Variants in CAP2 observed in about 807,000 individuals in gnomAD.
CAP2 encodes cyclase associated actin cytoskeleton regulatory protein 2, also known as adenylyl cyclase-associated protein 2.
A neutral mutation model predicts 57.7 loss-of-function variants in CAP2; 24 were observed. That is an observed-to-expected ratio of 0.42 (90% CI 0.30 to 0.58). The LOEUF is 0.58. CAP2 is among the 20% of genes least tolerant of loss of function. The pLI is 0.22. For missense variants in CAP2, 501 were observed against 590.3 expected (o/e 0.85, Z 1.57); for synonymous variants, 194 against 207.2 (o/e 0.94, Z 0.55).
chr6:17,408,783 C>G (rs1367428199), intron 1 of CAP2, among the ~76,000 whole-genome samples: 5 of 151,204 alleles, frequency 3.3e-5, no homozygotes, highest in Non-Finnish European at 7.4e-5. Context: ...GCCTCAGCCT[C>G]CCGAGTAGCT....
chr6:17,499,008 C>T (rs1209616049), intron 4 of CAP2, among the ~76,000 whole-genome samples: 3 of 151,740 alleles, frequency 2.0e-5, no homozygotes, highest in African/African-American at 7.3e-5. Flanking sequence ...TGATTACAGG[C>T]GTGAGCCACC....
At chr6:17,466,928 A>C (rs1080918) in intron 4 of CAP2, among the ~76,000 whole-genome samples, 1 of 152,184 alleles carries the variant, frequency 6.6e-6, no homozygotes. Flanking sequence ...AGTATCTAGT[A>C]GATGAGTTAC....
At chr6:17,539,226 G>A (rs758003801) in intron 7 of CAP2, 43 bp from the exon 8 acceptor site, 13 of 1,546,980 alleles carry the variant, frequency 8.4e-6, no homozygotes, top group African/African-American at 2.8e-5. Context: ...CAGCAAGGGC[G>A]CAGTCTCAAT....
chr6:17,496,028 G>GGCGGC lies in CAP2; in HGVS notation c.301-11140_301-11139insCGGCG, dbSNP rs71866539. 1.3e-3 allele frequency among the ~76,000 whole-genome samples: 25 copies of GGCGGC among 19,446 alleles called. 1 individual carries two copies. The highest frequency in any genetic ancestry group is 3.6e-3 in the South Asian group (1 of 278). 12.8% of individuals were successfully genotyped at this position (19,446 alleles called of 152,430 possible). Reference sequence around the variant, plus strand: ...AACTGCTGTGCATGCGTGTGTGGGTGGGGGGGGGGGGTAAGTCAGGGAAAA... The same window carrying GGCGGC: ...AACTGCTGTGCATGCGTGTGTGGGTGGCGGCGGGGGGGGGGGTAAGTCAGGGAAAA... On this transcript the variant is annotated intron_variant, in intron 4 of 12. Transcript: ENST00000229922.
intron 1 of CAP2, among the ~76,000 whole-genome samples, chr6:17,411,022 T>G (rs1347857232): frequency 6.7e-6 from 1 of 149,906 alleles, no homozygotes. Flanking sequence ...TTCCTGGATA[T>G]TTCTTATAAA....
chr6:17,470,435 G>C (rs556744140), intron 4 of CAP2, among the ~76,000 whole-genome samples: 5 of 152,278 alleles, frequency 3.3e-5, no homozygotes, highest in South Asian at 2.1e-4. Flanking sequence ...TTAGCAAAAA[G>C]TCCCCAAATC....
intron 1 of CAP2, among the ~76,000 whole-genome samples, chr6:17,414,053 CA>C (rs34468074): frequency 0.2 from 19,573 of 95,570 alleles, 4,007 homozygotes; most frequent in African/African-American, 0.53. Context: ...GACTCTGTCT[CA>C]AAAAAAAAAA....
chr6:17,540,741 G>A (rs773279509), intron 8 of CAP2, among the ~76,000 whole-genome samples: 7 of 152,092 alleles, frequency 4.6e-5, no homozygotes, highest in Non-Finnish European at 7.4e-5. Flanking sequence ...GTGACAGAGC[G>A]AGACTCCATT....
chr6:17,413,404 G>A lies in CAP2; in HGVS notation c.-1-8151G>A, dbSNP rs1364160110. On this transcript the variant is annotated intron_variant, in intron 1 of 12. Coordinates refer to ENST00000229922, the MANE Select transcript of CAP2 (RefSeq NM_006366.3). ...GAGTAAGCAAAAGATACGAAGGCGG[G>A]CACCTTGGCAACGTGAATGTATCTC... 2.0e-5 allele frequency among the ~76,000 whole-genome samples: 3 copies of A among 152,116 alleles called. No homozygotes were observed. The East Asian group carries it at 5.8e-4, about 29-fold the overall frequency.
intron 4 of CAP2, among the ~76,000 whole-genome samples, chr6:17,483,780 G>T (rs1761355468): frequency 6.6e-6 from 1 of 152,110 alleles, no homozygotes; most frequent in Non-Finnish European, 1.5e-5. Flanking sequence ...GGCTGACAGG[G>T]GTGTTTTCCC....
chr6:17,541,581 A>G (rs1267329601), intron 9 of CAP2, among the ~76,000 whole-genome samples: 1 of 152,000 alleles, frequency 6.6e-6, no homozygotes, highest in Non-Finnish European at 1.5e-5. Context: ...CTCTGTCTCA[A>G]AAAAAAAGAA....
rs1017342326 is a variant in CAP2 at position 17,513,214 on chromosome 6, C to G, written c.531-635C>G. Among the ~76,000 whole-genome samples the G allele has an allele frequency of 1.9e-4, 29 of 151,974 alleles. No individual in the cohort carries two copies. The highest frequency in any genetic ancestry group is 7.0e-4 in the African/African-American group (29 of 41,366). ...AATAGAGATAAAAATACTGGTGATG[C>G]CTTGCCTGGTTTGTATTGTCATTCA... On this transcript the variant is annotated intron_variant, in intron 6 of 12. Coordinates refer to ENST00000229922, the MANE Select transcript of CAP2 (RefSeq NM_006366.3). The surrounding 1 kb of genome is among the most constrained non-coding windows in gnomAD (Gnocchi z 4.3).
intron 6 of CAP2, among the ~76,000 whole-genome samples, chr6:17,509,801 A>G (rs1014383963): frequency 6.6e-6 from 1 of 152,160 alleles, no homozygotes; most frequent in African/African-American, 2.4e-5. Context: ...TAGCCAATAG[A>G]TGAGAACAAC....
chr6:17,471,232 G>T (rs1389372664), intron 4 of CAP2, among the ~76,000 whole-genome samples: 1 of 152,164 alleles, frequency 6.6e-6, no homozygotes, highest in Non-Finnish European at 1.5e-5. Flanking sequence ...TCATAGCATT[G>T]CTCAATCAGA....
chr6:17,482,240 G>A (rs1761306494), intron 4 of CAP2, among the ~76,000 whole-genome samples: 1 of 152,116 alleles, frequency 6.6e-6, no homozygotes, highest in South Asian at 2.1e-4. Context: ...AGAAGTCAAG[G>A]CGTAGGCTGG....
At chr6:17,510,171 T>C (rs1049091323) in intron 6 of CAP2, among the ~76,000 whole-genome samples, 8 of 152,076 alleles carry the variant, frequency 5.3e-5, no homozygotes, top group Non-Finnish European at 1.2e-4. Flanking sequence ...TGGGGAGTAA[T>C]TGCTAATGGG....
intron 4 of CAP2, among the ~76,000 whole-genome samples, chr6:17,490,828 T>C (rs942222789): frequency 2.0e-5 from 3 of 152,186 alleles, no homozygotes; most frequent in Non-Finnish European, 4.4e-5. Context: ...GCTTGGAAAG[T>C]GGCTGTTTGC....
rs144140017 is a variant in CAP2 at position 17,452,345 on chromosome 6, C to T, written c.223-10651C>T. Among the ~76,000 whole-genome samples, 901 of 152,264 alleles carry T rather than the reference C, an allele frequency of 5.9e-3. 9 individuals carry two copies. The highest frequency in any genetic ancestry group is 0.02 in the African/African-American group (843 of 41,552). ...AGATTTTACCCTCAGAATAAGTTTT[C>T]GCACAAGCAGACGTATATGTTTCTT... On this transcript the variant is annotated intron_variant, in intron 3 of 12. Transcript: ENST00000229922.
intron 3 of CAP2, among the ~76,000 whole-genome samples, chr6:17,460,052 A>T (rs1424480494): frequency 6.6e-6 from 1 of 152,216 alleles, no homozygotes; most frequent in African/African-American, 2.4e-5. Flanking sequence ...GAAGCTATTA[A>T]ACCTCAAGGA....
Sources: gnomAD v4.1 joint callset for allele counts (sites outside exome capture counted in the v4.1 genomes callset) on GRCh38, gnomAD v4.1.1 for gene constraint, Gnocchi (gnomAD v3.1) non-coding constraint, MANE v1.5 for transcripts, NCBI Gene and HGNC (gene_info 2026-07-23, HGNC 2026-07-21) for gene names.